The following PIP5K1A variants were observed in gnomAD, a reference collection of about 807,000 sequenced individuals.
PIP5K1A encodes phosphatidylinositol-4-phosphate 5-kinase type 1 alpha.
A neutral mutation model predicts 72.9 loss-of-function variants in PIP5K1A; 46 were observed. The observed-to-expected ratio is 0.63, with a 90% confidence interval of 0.50 to 0.81. The LOEUF is 0.81. PIP5K1A is among the 30% of genes least tolerant of loss of function. The pLI is 0.00. For synonymous variants in PIP5K1A, 228 were observed against 255.1 expected, an observed-to-expected ratio of 0.89 and a Z score of 1.01; for missense variants, 458 against 706.1, an observed-to-expected ratio of 0.65 and a Z score of 3.98.
chr1:151,215,837 T>G (rs1005174792), intron 1 of PIP5K1A: 2 of 457,486 alleles, frequency 4.4e-6, no homozygotes, highest in Admixed American at 5.2e-5. Flanking sequence ...AGTATGGTGC[T>G]AGGAATCTGA....
chr1:151,221,415 CA>C (rs1034803557), intron 1 of PIP5K1A, among the ~76,000 whole-genome samples: 5 of 152,154 alleles, frequency 3.3e-5, no homozygotes, highest in African/African-American at 9.7e-5. Context: ...CATTTATAGC[CA>C]AGCAATTAAC....
rs1558225148 is a variant in PIP5K1A at position 151,198,961 on chromosome 1, G to A, written c.-36G>A. 3 of 1,595,626 alleles carry A rather than the reference G, an allele frequency of 1.9e-6. No homozygotes were observed. The African/African-American group carries it at 4.0e-5, about 21-fold the overall frequency. ...GAGAAGAGGAAGAACCGGATTGAAA[G>A]AGAGCCAGGCCGCTGAGGGGGAGGG... On this transcript the variant is annotated 5_prime_UTR_variant, in exon 1 of 16. Coordinates refer to ENST00000368888, the MANE Select transcript of PIP5K1A (RefSeq NM_001135638.2).
intron 7 of PIP5K1A, among the ~76,000 whole-genome samples, chr1:151,232,923 A>AC (rs1690304385): frequency 6.6e-6 from 1 of 151,858 alleles, no homozygotes; most frequent in Non-Finnish European, 1.5e-5. Flanking sequence ...ACATGGTGAA[A>AC]CCTCGTCTTT....
At chr1:151,234,034 T>C (rs754610945) in intron 7 of PIP5K1A, among the ~76,000 whole-genome samples, 163 bp from the exon 8 acceptor site, 1 of 152,144 alleles carries the variant, frequency 6.6e-6, no homozygotes, top group Non-Finnish European at 1.5e-5. Flanking sequence ...TTGAAATAGA[T>C]GCATAGGGAA....
chr1:151,245,909 T>C (rs1451640713), intron 14 of PIP5K1A, among the ~76,000 whole-genome samples: 1 of 152,180 alleles, frequency 6.6e-6, no homozygotes, highest in Non-Finnish European at 1.5e-5. Context: ...TTATCTATTA[T>C]TGTGTAACAA....
At chr1:151,223,119 G>T (rs1315713339) in intron 1 of PIP5K1A, among the ~76,000 whole-genome samples, 1 of 151,928 alleles carries the variant, frequency 6.6e-6, no homozygotes, top group Non-Finnish European at 1.5e-5. Flanking sequence ...GGGAGGCCGC[G>T]GTGGGTGGAT....
chr1:151,220,650 A>G (rs1436473417), intron 1 of PIP5K1A, among the ~76,000 whole-genome samples: 1 of 152,150 alleles, frequency 6.6e-6, no homozygotes, highest in East Asian at 1.9e-4. Flanking sequence ...TGTTTTTAGT[A>G]GAGATGGGGT....
At chr1:151,195,872 C>A (rs1366466593), upstream of PIP5K1A, among the ~76,000 whole-genome samples, 45 of 145,852 alleles carry the variant, frequency 3.1e-4, no homozygotes, top group Non-Finnish European at 6.6e-4. Context: ...AGCTTTACAT[C>A]AACACCAGCC....
In PIP5K1A at chr1:151,231,800, A is replaced by G; in HGVS notation, c.367A>G (p.Ser123Gly). 2 of 1,613,840 alleles carry G rather than the reference A, an allele frequency of 1.2e-6. No homozygotes were observed. The highest frequency in any genetic ancestry group is 1.7e-6 in the Non-Finnish European group (2 of 1,179,818). The change falls in exon 5 of 16, where the codon AGT becomes GGT. Residue 123 changes from serine to glycine, a missense_variant and splice_region_variant. Ser to Gly is a moderately conservative substitution (Grantham distance 56, BLOSUM62 0). This residue lies in a region of PIP5K1A where 220 missense variants were observed against 442.6 expected (regional missense o/e 0.50). Coordinates refer to ENST00000368888, the MANE Select transcript of PIP5K1A (RefSeq NM_001135638.2). Reference protein sequence around the residue: ...FYVVESIFFPSEGSNLTPAHH... With the variant: ...FYVVESIFFPGEGSNLTPAHH... ...CGTGGTTGAGAGTATCTTCTTTCCC[A>G]GGTACAGAGTTTAATGTTCAGGAGC...
At chr1:151,231,177 A>G (rs188891086) in intron 4 of PIP5K1A, among the ~76,000 whole-genome samples, 1 of 145,840 alleles carries the variant, frequency 6.9e-6, no homozygotes, top group Non-Finnish European at 1.5e-5. Context: ...GCTGTACTCC[A>G]TTCCAGCCTG....
rs151063600 is a variant in PIP5K1A at position 151,247,785 on chromosome 1, G to A, written c.1687-78G>A. 6.9e-4 allele frequency: 860 copies of A among 1,252,428 alleles called. 2 individuals carry two copies. The highest frequency in any genetic ancestry group is 5.3e-3 in the African/African-American group (346 of 65,428). 77.6% of individuals were successfully genotyped at this position (1,252,428 alleles called of 1,614,324 possible). On this transcript the variant is annotated intron_variant, in intron 15 of 15. Coordinates refer to ENST00000368888, the MANE Select transcript of PIP5K1A (RefSeq NM_001135638.2). ...ATACTTGGAGGCTGAGGCTGAAATA[G>A]AAATTTCTTAACGCTTGAATTCCAT...
intron 12 of PIP5K1A, among the ~76,000 whole-genome samples, chr1:151,241,776 G>A (rs1170211130): frequency 6.6e-6 from 1 of 151,040 alleles, no homozygotes. Context: ...CTTCAGCCTG[G>A]GCAACAAGAG....
At position 151,232,759 on chromosome 1, in the gene PIP5K1A, G is replaced by A. The variant is rs190830501; in HGVS notation, c.639+56G>A. On this transcript the variant is annotated intron_variant, in intron 7 of 15. Transcript: ENST00000368888. ...GCTGCTCACTTCTGGGCAAGGCTGG[G>A]GAGGCTGTCTTCAGCAGGGTAAAAC... is the stretch of plus-strand genomic sequence containing the variant. The A allele has an allele frequency of 7.8e-3, 11,727 of 1,504,026 alleles. 65 individuals carry two copies. Among genetic ancestry groups the A allele is most frequent in the Non-Finnish European group, 9.5e-3 (10,344 of 1,089,540 alleles). 93.2% of individuals were successfully genotyped at this position (1,504,026 alleles called of 1,614,324 possible). A position where few individuals can be genotyped will look rare whatever the true frequency, so the allele number is the denominator to read the frequency against.
chr1:151,215,741 C>T (rs1056597793), intron 1 of PIP5K1A, among the ~76,000 whole-genome samples: 1 of 152,108 alleles, frequency 6.6e-6, no homozygotes, highest in Non-Finnish European at 1.5e-5. Context: ...TGTGACTGCT[C>T]CGAGAATTTT....
intron 1 of PIP5K1A, among the ~76,000 whole-genome samples, chr1:151,205,220 C>T (rs1685764293): frequency 6.6e-6 from 1 of 152,004 alleles, no homozygotes; most frequent in Non-Finnish European, 1.5e-5. Flanking sequence ...GGCTACAGAC[C>T]AGTGTAGTGC....
chr1:151,233,071 G>A (rs1690333945), intron 7 of PIP5K1A, among the ~76,000 whole-genome samples: 1 of 140,614 alleles, frequency 7.1e-6, no homozygotes, highest in Non-Finnish European at 1.5e-5. Flanking sequence ...CTGCACTCCA[G>A]CCTGGGTAAC....
chr1:151,242,307 C>T, intron 13 of PIP5K1A, 38 bp downstream of exon 13: 1 of 1,587,394 alleles, frequency 6.3e-7, no homozygotes, highest in Non-Finnish European at 8.6e-7. Context: ...TGATTGGGTA[C>T]TCCCTCCCTT....
intron 14 of PIP5K1A, among the ~76,000 whole-genome samples, chr1:151,245,143 C>T (rs1692310702): frequency 6.6e-6 from 1 of 152,092 alleles, no homozygotes; most frequent in East Asian, 1.9e-4. Context: ...CCCATAATTT[C>T]TTTATCTTCT....
intron 8 of PIP5K1A, 65 bp downstream of exon 8, chr1:151,234,561 T>C: frequency 7.5e-7 from 1 of 1,332,918 alleles, no homozygotes; most frequent in Non-Finnish European, 1.1e-6. Flanking sequence ...TCTTAGGCAT[T>C]AAGTTTGTGG....
Sources: allele counts gnomAD v4.1 joint callset (sites outside exome capture counted in the v4.1 genomes callset), GRCh38; gene constraint gnomAD v4.1.1; regional missense constraint gnomAD v4.1.1; transcripts MANE v1.5; gene names NCBI Gene and HGNC (gene_info 2026-07-23, HGNC 2026-07-21).